Variants in GALNT2 observed in about 807,000 individuals in gnomAD.
GALNT2 encodes the protein polypeptide N-acetylgalactosaminyltransferase 2.
A neutral mutation model predicts 81.4 loss-of-function variants in GALNT2; 31 were observed. The ratio of observed to expected loss-of-function variants is 0.38; its 90% CI spans 0.29 to 0.51. GALNT2 has a LOEUF of 0.51. Ranked by LOEUF, GALNT2 falls within the 20% of genes least tolerant of loss-of-function variation. The pLI is 0.87. For missense variants in GALNT2, 629 were observed against 765.7 expected (o/e 0.82, Z 2.11); for synonymous variants, 303 against 287.4 (o/e 1.05, Z -0.55).
At position 230,122,644 on chromosome 1, in the gene GALNT2, G is replaced by A. The variant is rs115777639; in HGVS notation, c.126+55238G>A. 1.9e-3 allele frequency among the ~76,000 whole-genome samples: 290 copies of A among 150,964 alleles called. 1 individual carries two copies. The Middle Eastern group carries it at 0.024, about 13-fold the overall frequency. On this transcript the variant is annotated intron_variant, in intron 1 of 15. Coordinates refer to ENST00000366672, the MANE Select transcript of GALNT2 (RefSeq NM_004481.5). ...TGTGTGTGTGTGTGCATGTACATAC[G>A]TGTGTGTGTGTGTTCATCCGTGTGT... is the stretch of plus-strand genomic sequence containing the variant.
chr1:230,188,989 G>A (rs1439738158), intron 2 of GALNT2, among the ~76,000 whole-genome samples: 2 of 152,074 alleles, frequency 1.3e-5, no homozygotes, highest in Admixed American at 1.3e-4. Context: ...GCCGGAAGAG[G>A]AGCAGGGGCC....
intron 1 of GALNT2, among the ~76,000 whole-genome samples, chr1:230,101,486 T>C (rs1043929185): frequency 7.2e-5 from 11 of 152,374 alleles, no homozygotes; most frequent in Admixed American, 2.6e-4. Context: ...GGTGTGTTTG[T>C]TGAACTGAAA....
At chr1:230,174,666 C>A (rs983977468) in intron 1 of GALNT2, among the ~76,000 whole-genome samples, 29 of 152,142 alleles carry the variant, frequency 1.9e-4, no homozygotes, top group African/African-American at 6.8e-4. Context: ...CTCTGTCCCT[C>A]CGGGACCTGG....
chr1:230,219,618 C>T, intron 3 of GALNT2, among the ~76,000 whole-genome samples: 1 of 152,094 alleles, frequency 6.6e-6, no homozygotes, highest in South Asian at 2.1e-4. Flanking sequence ...GATCCCCCTC[C>T]TGGGCCCTGC....
rs114811594 is a variant in GALNT2 at position 230,157,519 on chromosome 1, C to G, written c.127-20699C>G. Among the ~76,000 whole-genome samples, 1,279 of 152,304 alleles carry G rather than the reference C, an allele frequency of 8.4e-3. 21 individuals carry two copies. The highest frequency in any genetic ancestry group is 0.03 in the African/African-American group (1,228 of 41,566). On this transcript the variant is annotated intron_variant, in intron 1 of 15. Transcript: ENST00000366672. Reference sequence around the variant, plus strand: ...CAAGGGAAATGGAAATTTATGTGCTCTTGGGATTCATAATGGCATTATTCA... The same window carrying G: ...CAAGGGAAATGGAAATTTATGTGCTGTTGGGATTCATAATGGCATTATTCA...
chr1:230,263,039 A>G, intron 13 of GALNT2, 34 bp downstream of exon 13: 1 of 1,551,192 alleles, frequency 6.4e-7, no homozygotes, highest in Non-Finnish European at 8.9e-7. Context: ...TTCACTTTGT[A>G]AGGGCTTAGA....
chr1:230,266,026 G>A (rs1327972034), intron 14 of GALNT2, among the ~76,000 whole-genome samples: 1 of 152,002 alleles, frequency 6.6e-6, no homozygotes, highest in Non-Finnish European at 1.5e-5. Flanking sequence ...ACCCATCTCT[G>A]CTAAAAATAA....
At chr1:230,268,330 G>A (rs1317966621) in intron 14 of GALNT2, 1 of 152,070 alleles carries the variant, frequency 6.6e-6, no homozygotes, top group African/African-American at 2.4e-5. Flanking sequence ...CAAAACGGAC[G>A]AGGTGCCCAC....
At chr1:230,236,545 T>A in intron 5 of GALNT2, 115 bp from the exon 6 acceptor site, 1 of 1,406,956 alleles carries the variant, frequency 7.1e-7, no homozygotes, top group Non-Finnish European at 9.9e-7. Context: ...AAGAGGTGCC[T>A]CTGTGATGCC....
rs1666288418 is a variant in GALNT2 at position 230,275,845 on chromosome 1, A to G, written c.1560+1281A>G. Among the ~76,000 whole-genome samples, 1 of 151,594 alleles carries G rather than the reference A, an allele frequency of 6.6e-6. No individual in the cohort carries two copies. On this transcript the variant is annotated intron_variant, in intron 15 of 15. Transcript: ENST00000366672. The surrounding 1 kb of genome is among the most constrained non-coding windows in gnomAD (Gnocchi z 5.5). ...ATGCCACATATATACATGTATATAC[A>G]TGCCACATAGATATACATATATAAA...
intron 2 of GALNT2, 76 bp downstream of exon 2, chr1:230,178,387 G>A (rs1663054329): frequency 2.7e-6 from 3 of 1,107,932 alleles, no homozygotes; most frequent in Non-Finnish European, 4.0e-6. Context: ...TCTTGGAGCA[G>A]GTGGTCTGTG....
chr1:230,124,243 T>G (rs1054463280), intron 1 of GALNT2, among the ~76,000 whole-genome samples: 1 of 152,178 alleles, frequency 6.6e-6, no homozygotes, highest in African/African-American at 2.4e-5. Flanking sequence ...ATTATTTTCT[T>G]CTCTTTAATT....
chr1:230,124,815 T>A (rs1357441355), intron 1 of GALNT2, among the ~76,000 whole-genome samples: 1 of 152,152 alleles, frequency 6.6e-6, no homozygotes, highest in Non-Finnish European at 1.5e-5. Flanking sequence ...CATGGCAGAC[T>A]AGGGTGGTGT....
At chr1:230,227,947 G>A (rs746705869) in intron 3 of GALNT2, among the ~76,000 whole-genome samples, 2 of 152,188 alleles carry the variant, frequency 1.3e-5, no homozygotes, top group Non-Finnish European at 2.9e-5. Context: ...TAGATGTATT[G>A]ATTTGTGGAA....
chr1:230,272,780 C>T (rs79679127), intron 14 of GALNT2, among the ~76,000 whole-genome samples: 2,472 of 152,050 alleles, frequency 0.016, 52 homozygotes, highest in African/African-American at 0.054. Flanking sequence ...CGGTTCAGTT[C>T]GGTTTGGAGA....
In GALNT2 at chr1:230,212,145, C is replaced by T. The variant is rs997007258; in HGVS notation, c.374+8855C>T. 9.9e-5 allele frequency among the ~76,000 whole-genome samples: 15 copies of T among 152,182 alleles called. 1 individual carries two copies. The highest frequency in any genetic ancestry group is 7.2e-4 in the Admixed American group (11 of 15,274). The stretch of plus-strand genomic sequence containing the variant: ...TGAGGCAGACGAGAAAGGTGAGCCA[C>T]TTGCCTGAGTTCTAACAGGGCTCAC... On this transcript the variant is annotated intron_variant, in intron 3 of 15. Transcript: ENST00000366672.
intron 1 of GALNT2, among the ~76,000 whole-genome samples, chr1:230,084,745 T>C (rs1659849414): frequency 6.6e-6 from 1 of 152,314 alleles, no homozygotes; most frequent in Non-Finnish European, 1.5e-5. Context: ...AGCTATGGGC[T>C]ACCAAGTCAT....
chr1:230,087,459 CT>C (rs755827610), intron 1 of GALNT2, among the ~76,000 whole-genome samples: 41 of 152,174 alleles, frequency 2.7e-4, no homozygotes, highest in Non-Finnish European at 5.1e-4. Flanking sequence ...TCTTTCTTGC[CT>C]TTACTCCCCC....
chr1:230,163,930 G>T lies in GALNT2; in HGVS notation c.127-14288G>T, dbSNP rs539104188. Among the ~76,000 whole-genome samples, 4 of 152,298 alleles carry T rather than the reference G, an allele frequency of 2.6e-5. No homozygotes were observed. In the South Asian group the frequency reaches 6.2e-4, roughly 24 times the overall value. On this transcript the variant is annotated intron_variant, in intron 1 of 15. Transcript: ENST00000366672. ...TCTGTCTGTCCCAGAACTGGCCGGG[G>T]GTGGTGGATGGAGCCTGGACTCTGG...
Sources: gnomAD v4.1 joint callset for allele counts (sites outside exome capture counted in the v4.1 genomes callset) on GRCh38, gnomAD v4.1.1 for gene constraint, Gnocchi (gnomAD v3.1) non-coding constraint, MANE v1.5 for transcripts, NCBI Gene and HGNC (gene_info 2026-07-23, HGNC 2026-07-21) for gene names.